The following SI variants were observed in gnomAD, a reference collection of about 807,000 sequenced individuals.
SI encodes sucrase-isomaltase.
Under a neutral mutation model 253.3 loss-of-function variants are expected in SI, and 235 were observed. The ratio of observed to expected loss-of-function variants is 0.93; its 90% CI spans 0.83 to 1.03. SI has a LOEUF of 1.03. SI is among the 50% of genes least tolerant of loss of function. SI has a pLI of 0.00. For synonymous variants in SI, 819 were observed against 712.0 expected, an observed-to-expected ratio of 1.15 and a Z score of -2.39; for missense variants, 2,442 against 2,211.1, an observed-to-expected ratio of 1.10 and a Z score of -2.09.
At chr3:165,062,238 A>G in intron 9 of SI, 133 bp downstream of exon 9, 1 of 630,624 alleles carries the variant, frequency 1.6e-6, no homozygotes, top group Non-Finnish European at 2.9e-6. Context: ...TGCATCTTAA[A>G]TATGATAAGA....
At chr3:165,038,167 A>C (rs890250825) in intron 20 of SI, 143 bp from the exon 21 acceptor site, 2 of 669,816 alleles carry the variant, frequency 3.0e-6, no homozygotes, top group Non-Finnish European at 4.7e-6. Flanking sequence ...CTTTAGGAGA[A>C]TTTTTTTTTT....
At chr3:165,029,202 G>C (rs1712088378) in intron 25 of SI, among the ~76,000 whole-genome samples, 1 of 151,124 alleles carries the variant, frequency 6.6e-6, no homozygotes, top group African/African-American at 2.4e-5. Flanking sequence ...CTAATGATCA[G>C]GTAAATGCAA....
At chr3:165,053,249 C>A (rs763863062) in intron 13 of SI, among the ~76,000 whole-genome samples, 53 of 151,968 alleles carry the variant, frequency 3.5e-4, no homozygotes, top group Non-Finnish European at 5.9e-4. Flanking sequence ...AAGCTCACAT[C>A]ATTTCCCAAA....
chr3:164,998,606 G>A lies in SI; in HGVS notation c.4474C>T (p.Arg1492Ter), dbSNP rs747584061. 6 of 1,611,022 alleles carry A rather than the reference G, an allele frequency of 3.7e-6. No homozygotes were observed. The highest frequency in any genetic ancestry group is 5.1e-6 in the Non-Finnish European group (6 of 1,177,736). Residue 1492 changes from arginine (R) to a stop codon, truncating the protein, a stop_gained, in exon 38 of 48, where the codon CGA becomes TGA. Coordinates refer to ENST00000264382, the MANE Select transcript of SI (RefSeq NM_001041.4). LOFTEE classifies it high-confidence loss of function. Reference sequence around the variant, plus strand: ...TCTCCAAGCCAGTGTCCTCCCCATCGTCCACTAGTAGGATACGTGGAACGA... The same window carrying A: ...TCTCCAAGCCAGTGTCCTCCCCATCATCCACTAGTAGGATACGTGGAACGA... ...ISRSTYPTSG[R>*]WGGHWLGDNY...
chr3:165,032,591 T>A lies in SI; in HGVS notation c.2667A>T (p.Glu889Asp). Residue 889 changes from glutamate to aspartate, a missense_variant, in exon 24 of 48, where the codon GAA becomes GAT. Physicochemically the swap from Glu to Asp is conservative, Grantham distance 45. Coordinates refer to ENST00000264382, the MANE Select transcript of SI (RefSeq NM_001041.4). Reference protein sequence around the residue: ...KILGLTDSVTEVRVAENNQPM... With the variant: ...KILGLTDSVTDVRVAENNQPM... ...GTTGATTATTTTCCGCCACTCTAAC[T>A]TCTGTAACACTGTCTGTCAACCCAA... The A allele has an allele frequency of 6.2e-7, 1 of 1,609,534 alleles. No individual in the cohort carries two copies. The highest frequency in any genetic ancestry group is 8.5e-7 in the Non-Finnish European group (1 of 1,177,022).
intron 25 of SI, among the ~76,000 whole-genome samples, chr3:165,026,154 A>T (rs1711907662): frequency 6.6e-6 from 1 of 151,256 alleles, no homozygotes; most frequent in Non-Finnish European, 1.5e-5. Flanking sequence ...ATTCCATGCA[A>T]ATGAACACTG....
At chr3:165,085,670 C>T in the SI span, among the ~76,000 whole-genome samples, 1 of 152,086 alleles carries the variant, frequency 6.6e-6, no homozygotes, top group African/African-American at 2.4e-5. Flanking sequence ...ACAATCACTG[C>T]CTCATAAACA....
chr3:165,062,278 T>C, intron 9 of SI, 93 bp downstream of exon 9: 1 of 712,194 alleles, frequency 1.4e-6, no homozygotes, highest in South Asian at 1.5e-5. Flanking sequence ...AAGAGGCCCC[T>C]ACTATGTAAA....
intron 25 of SI, among the ~76,000 whole-genome samples, chr3:165,029,793 T>A (rs941290265): frequency 1.3e-5 from 2 of 150,312 alleles, no homozygotes; most frequent in African/African-American, 4.9e-5. Flanking sequence ...GGGGAATGGA[T>A]GTGTATTTGG....
chr3:165,077,277 T>C (rs7626281), intron 1 of SI, among the ~76,000 whole-genome samples: 34,929 of 151,474 alleles, frequency 0.23, 4,630 homozygotes, highest in Middle Eastern at 0.33. Context: ...TGAATTCAAA[T>C]GCCATGGTGA....
intron 6 of SI, among the ~76,000 whole-genome samples, chr3:165,066,762 G>C (rs1317011200): frequency 1.3e-5 from 2 of 151,836 alleles, no homozygotes; most frequent in African/African-American, 4.8e-5. Flanking sequence ...AAAGTACTAA[G>C]ATACATTTAA....
intron 20 of SI, 49 bp downstream of exon 20, chr3:165,039,029 T>C (rs748506398): frequency 8.2e-7 from 1 of 1,218,168 alleles, no homozygotes; most frequent in Non-Finnish European, 1.2e-6. Context: ...TGTAGAAGTG[T>C]TTGAAAATAT....
Position 165,006,309 on chromosome 3 carries a change from C to G in SI, c.4406+507G>C, listed in dbSNP as rs547335163. Among the ~76,000 whole-genome samples the G allele has an allele frequency of 4.4e-4, 67 of 152,082 alleles. 1 individual carries two copies. The highest frequency in any genetic ancestry group is 3.8e-3 in the Admixed American group (58 of 15,258). Reference sequence around the variant, plus strand: ...ATTTTTAGTAGAGATGAGGTTTCACCATTTTGGCCAGGCTGATCTTGAACT... The same window carrying G: ...ATTTTTAGTAGAGATGAGGTTTCACGATTTTGGCCAGGCTGATCTTGAACT... On this transcript the variant is annotated intron_variant, in intron 37 of 47. Coordinates refer to ENST00000264382, the MANE Select transcript of SI (RefSeq NM_001041.4).
intron 40 of SI, 106 bp from the exon 41 acceptor site, chr3:164,994,511 A>G: frequency 8.5e-7 from 1 of 1,174,894 alleles, no homozygotes; most frequent in Non-Finnish European, 1.3e-6. Flanking sequence ...ATATTAATTG[A>G]TTGTCATGTG....
At chr3:165,055,455 A>G in intron 12 of SI, 148 bp from the exon 13 acceptor site, 1 of 559,180 alleles carries the variant, frequency 1.8e-6, no homozygotes, top group Non-Finnish European at 3.1e-6. Context: ...ATTTACAAGA[A>G]TATCATGACT....
upstream of SI, among the ~76,000 whole-genome samples, chr3:165,083,446 G>A (rs141891330): frequency 2.6e-5 from 4 of 152,020 alleles, no homozygotes; most frequent in African/African-American, 9.6e-5. Flanking sequence ...AGATAGTGGA[G>A]TAAAAAGTTA....
chr3:164,992,619 A>G (rs1172677513), intron 41 of SI, among the ~76,000 whole-genome samples: 1 of 151,990 alleles, frequency 6.6e-6, no homozygotes, highest in Non-Finnish European at 1.5e-5. Context: ...AAATTTCCGG[A>G]GAAAATAGAG....
intron 9 of SI, among the ~76,000 whole-genome samples, chr3:165,060,791 T>C (rs1190923228): frequency 6.8e-6 from 1 of 148,040 alleles, no homozygotes; most frequent in African/African-American, 2.5e-5. Flanking sequence ...ATAAATTTTC[T>C]TTGGTTTAGG....
At chr3:165,009,444 T>G (rs773805746) in intron 34 of SI, 49 bp from the exon 35 acceptor site, 4 of 946,914 alleles carry the variant, frequency 4.2e-6, no homozygotes, top group Middle Eastern at 2.1e-4. Flanking sequence ...TAAGAGAGAT[T>G]ATATACATAT....
Sources: allele counts gnomAD v4.1 joint callset (sites outside exome capture counted in the v4.1 genomes callset), GRCh38; gene constraint gnomAD v4.1.1; transcripts MANE v1.5; gene names NCBI Gene and HGNC (gene_info 2026-07-23, HGNC 2026-07-21).